Variants in VPS41 observed in about 807,000 individuals in gnomAD.
VPS41 encodes the protein vacuolar protein sorting-associated protein 41 homolog.
A neutral mutation model predicts 130.9 loss-of-function variants in VPS41; 85 were observed. That is an observed-to-expected ratio of 0.65 (90% CI 0.55 to 0.78). The LOEUF is 0.78. VPS41 is among the 30% of genes least tolerant of loss of function. The pLI is 0.00. For synonymous variants in VPS41, 335 were observed against 332.9 expected (o/e 1.01, Z -0.07); for missense variants, 874 against 1,018.7 (o/e 0.86, Z 1.93).
At chr7:38,746,722 A>C (rs1439865857) in intron 22 of VPS41, among the ~76,000 whole-genome samples, 1 of 152,106 alleles carries the variant, frequency 6.6e-6, no homozygotes, top group Non-Finnish European at 1.5e-5. Context: ...CTCCACTCAG[A>C]CTTAAAGCTG....
rs762775766 is a variant in VPS41, at chr7:38,728,800, T to C, written c.2260-9A>G. On this transcript the variant is annotated splice_polypyrimidine_tract_variant and intron_variant, in intron 25 of 28. Coordinates refer to ENST00000310301, the MANE Select transcript of VPS41 (RefSeq NM_014396.4). ...CCTTCACGAAGCAGAATCTAATGCATACATTTTAAAAGAAAAGCCATCTTA... is the reference window on the plus strand; with the variant it reads ...CCTTCACGAAGCAGAATCTAATGCACACATTTTAAAAGAAAAGCCATCTTA... The C allele has an allele frequency of 2.2e-5, 36 of 1,613,140 alleles. No homozygotes were observed. The highest frequency in any genetic ancestry group is 2.3e-5 in the Non-Finnish European group (27 of 1,179,288).
chr7:38,792,328 C>T (rs1281395306), intron 9 of VPS41, among the ~76,000 whole-genome samples: 1 of 152,244 alleles, frequency 6.6e-6, no homozygotes, highest in Non-Finnish European at 1.5e-5. Flanking sequence ...GCTTCCTCCA[C>T]TTCTCCACAT....
At chr7:38,845,395 A>T (rs1785702370) in intron 4 of VPS41, among the ~76,000 whole-genome samples, 1 of 152,180 alleles carries the variant, frequency 6.6e-6, no homozygotes, top group Non-Finnish European at 1.5e-5. Flanking sequence ...TCACTGAAAT[A>T]CCGTTCAAGT....
intron 4 of VPS41, among the ~76,000 whole-genome samples, chr7:38,832,864 C>T (rs537950294): frequency 6.6e-6 from 1 of 152,226 alleles, no homozygotes; most frequent in South Asian, 2.1e-4. Flanking sequence ...ATTTTTATCT[C>T]CAGGCAGGGC....
At chr7:38,815,698 G>A (rs1278269142) in intron 7 of VPS41, among the ~76,000 whole-genome samples, 1 of 152,100 alleles carries the variant, frequency 6.6e-6, no homozygotes, top group African/African-American at 2.4e-5. Flanking sequence ...AATCTGGCCA[G>A]GATGGCCAGA....
At chr7:38,797,748 C>T (rs1784648626) in intron 7 of VPS41, among the ~76,000 whole-genome samples, 2 of 152,116 alleles carry the variant, frequency 1.3e-5, no homozygotes, top group Admixed American at 1.3e-4. Context: ...TGTCCTCTAC[C>T]CACCCCAAAA....
intron 4 of VPS41, among the ~76,000 whole-genome samples, chr7:38,855,687 A>G (rs1785967346): frequency 6.6e-6 from 1 of 152,224 alleles, no homozygotes; most frequent in Non-Finnish European, 1.5e-5. Context: ...GAACAGCTCA[A>G]GCCCAATTTA....
chr7:38,786,646 T>C (rs1224271881), intron 10 of VPS41, among the ~76,000 whole-genome samples: 3 of 152,078 alleles, frequency 2.0e-5, no homozygotes, highest in South Asian at 4.1e-4. Flanking sequence ...CATAACAAAA[T>C]GTTAGAAAAA....
chr7:38,775,581 A>G (rs955674169), intron 11 of VPS41: 1 of 152,204 alleles, frequency 6.6e-6, no homozygotes, highest in African/African-American at 2.4e-5. Context: ...AAAAATAAAT[A>G]AAATAATAGC....
At chr7:38,764,199 A>G (rs1286991969) in intron 16 of VPS41, among the ~76,000 whole-genome samples, 1 of 152,240 alleles carries the variant, frequency 6.6e-6, no homozygotes, top group East Asian at 1.9e-4. Context: ...CAGAGGGGTC[A>G]GCACAGTGCT....
intron 17 of VPS41, among the ~76,000 whole-genome samples, chr7:38,761,134 T>C (rs1215232845): frequency 6.6e-6 from 1 of 151,952 alleles, no homozygotes; most frequent in African/African-American, 2.4e-5. Context: ...TCAAGTTTCT[T>C]TCTTTTCTTC....
At chr7:38,793,908 A>G (rs1322934048) in intron 9 of VPS41, among the ~76,000 whole-genome samples, 1 of 152,204 alleles carries the variant, frequency 6.6e-6, no homozygotes, top group Admixed American at 6.5e-5. Flanking sequence ...ATGTAGGTTA[A>G]TTCCCCATCT....
At chr7:38,817,606 A>T (rs1785079035) in intron 7 of VPS41, among the ~76,000 whole-genome samples, 1 of 152,228 alleles carries the variant, frequency 6.6e-6, no homozygotes, top group Non-Finnish European at 1.5e-5. Context: ...CGACAGAGCA[A>T]GACTCCGTCT....
At chr7:38,733,033 G>T (rs1181769670) in intron 25 of VPS41, among the ~76,000 whole-genome samples, 1 of 152,096 alleles carries the variant, frequency 6.6e-6, no homozygotes, top group Non-Finnish European at 1.5e-5. Context: ...TCACCATGTT[G>T]CTCAGGCTTA....
chr7:38,815,845 T>C (rs966577190), intron 7 of VPS41, among the ~76,000 whole-genome samples: 1 of 152,110 alleles, frequency 6.6e-6, no homozygotes, highest in African/African-American at 2.4e-5. Context: ...ACTGGCTTCC[T>C]TGCTCCTCCG....
chr7:38,740,582 T>C (rs1036970391), intron 25 of VPS41, among the ~76,000 whole-genome samples: 13 of 152,212 alleles, frequency 8.5e-5, no homozygotes, highest in African/African-American at 3.1e-4. Context: ...TATATGCCTA[T>C]ATATCGTTAA....
At chr7:38,849,636 T>G (rs1785807693) in intron 4 of VPS41, among the ~76,000 whole-genome samples, 1 of 152,156 alleles carries the variant, frequency 6.6e-6, no homozygotes, top group South Asian at 2.1e-4. Context: ...CGGTGCCTGC[T>G]GGCATGCTCT....
Position 38,908,159 on chromosome 7 carries a change from C to G in VPS41, c.21+995G>C, listed in dbSNP as rs114721565. On this transcript the variant is annotated intron_variant, in intron 1 of 28. Transcript: ENST00000310301. ...GGTAAATGACTCTTATGATACTAAACAGCCCATCATCAAGTCACTGTTTAG... is the reference window on the plus strand; with the variant it reads ...GGTAAATGACTCTTATGATACTAAAGAGCCCATCATCAAGTCACTGTTTAG... Among the ~76,000 whole-genome samples, 677 of 152,230 alleles carry G rather than the reference C, an allele frequency of 4.4e-3. 4 individuals carry two copies. The highest frequency in any genetic ancestry group is 0.015 in the African/African-American group (617 of 41,546).
intron 24 of VPS41, 93 bp from the exon 25 acceptor site, chr7:38,742,214 A>G: frequency 8.0e-7 from 1 of 1,244,888 alleles, no homozygotes; most frequent in Non-Finnish European, 1.1e-6. Flanking sequence ...ATTTTAGATC[A>G]AAAGTAACTC....
Sources: gnomAD v4.1 joint callset for allele counts (sites outside exome capture counted in the v4.1 genomes callset) on GRCh38, gnomAD v4.1.1 for gene constraint, MANE v1.5 for transcripts, NCBI Gene and HGNC (gene_info 2026-07-23, HGNC 2026-07-21) for gene names.